Variants in KLF8 observed in about 807,000 individuals in gnomAD.
KLF8 encodes the protein Krueppel-like factor 8.
Under a neutral mutation model 18.2 loss-of-function variants are expected in KLF8, and 10 were observed. That is an observed-to-expected ratio of 0.55 (90% confidence interval 0.34 to 0.93). KLF8 has a LOEUF of 0.93. Ranked by LOEUF, KLF8 falls within the 40% of genes least tolerant of loss-of-function variation. The pLI is 0.02. For missense variants in KLF8, 264 were observed against 277.9 expected (o/e 0.95, Z 0.36); for synonymous variants, 109 against 97.3 (o/e 1.12, Z -0.71).
At chrX:56,101,067 C>T in the KLF8 span, among the ~76,000 whole-genome samples, 6 of 110,949 alleles carry the variant, frequency 5.4e-5, no homozygotes, top group East Asian at 1.7e-3. Flanking sequence ...ATTCTGTCAC[C>T]CATGTAGCGA....
the KLF8 span, among the ~76,000 whole-genome samples, chrX:56,175,240 A>C: frequency 1.8e-5 from 2 of 111,958 alleles, no homozygotes; most frequent in Non-Finnish European, 3.8e-5. Context: ...ATTTAGTGCT[A>C]TAAATTTCCC....
the KLF8 span, among the ~76,000 whole-genome samples, chrX:56,065,822 G>T: frequency 2.7e-5 from 3 of 112,001 alleles, no homozygotes; most frequent in African/African-American, 9.7e-5. Flanking sequence ...AGCAGTTATT[G>T]CTATGATTTC....
chrX:55,959,365 T>G, the KLF8 span, among the ~76,000 whole-genome samples: 193 of 112,046 alleles, frequency 1.7e-3, 3 homozygotes, highest in East Asian at 0.036. Flanking sequence ...ACCGAGTGTC[T>G]TCTTACCTCC....
At chrX:55,966,848 A>G in the KLF8 span, among the ~76,000 whole-genome samples, 1 of 112,314 alleles carries the variant, frequency 8.9e-6, no homozygotes, top group African/African-American at 3.2e-5. Flanking sequence ...ATTCAAAATA[A>G]CTGTGTTAAG....
chrX:56,033,337 C>T, the KLF8 span, among the ~76,000 whole-genome samples: 5 of 111,465 alleles, frequency 4.5e-5, no homozygotes, highest in African/African-American at 1.6e-4. Context: ...TCCACGGTGT[C>T]GCAAATGACA....
chrX:56,094,068 T>C, the KLF8 span, among the ~76,000 whole-genome samples: 4 of 109,172 alleles, frequency 3.7e-5, no homozygotes, highest in African/African-American at 1.3e-4. Flanking sequence ...ACAAGGACAA[T>C]GAGTAGAAAA....
the KLF8 span, among the ~76,000 whole-genome samples, chrX:56,012,114 T>G: frequency 1.1e-4 from 12 of 112,078 alleles, 1 homozygote; most frequent in Middle Eastern, 0.028. Flanking sequence ...GAGGCCAGCA[T>G]CATCCTGATA....
chrX:56,144,366 C>G, the KLF8 span, among the ~76,000 whole-genome samples: 5 of 109,365 alleles, frequency 4.6e-5, no homozygotes, highest in South Asian at 2.0e-3. Context: ...TGGGCATCAT[C>G]AAGAAAGTGA....
the KLF8 span, among the ~76,000 whole-genome samples, chrX:56,217,415 T>TATTTATTTATTC: frequency 5.5e-5 from 6 of 109,155 alleles, no homozygotes; most frequent in Admixed American, 9.9e-5. Context: ...TTTATTTATT[T>TATTTATTTATTC]ATTCATTTAT....
chrX:56,121,040 G>T, the KLF8 span, among the ~76,000 whole-genome samples: 17 of 109,821 alleles, frequency 1.5e-4, no homozygotes, highest in African/African-American at 5.3e-4. Context: ...CAAAAAATTA[G>T]CCGGACGTGG....
the KLF8 span, among the ~76,000 whole-genome samples, chrX:56,213,279 G>GTTTTC: frequency 8.3e-3 from 338 of 40,832 alleles, 3 homozygotes; most frequent in Middle Eastern, 0.017. Flanking sequence ...TTTTTCTTTT[G>GTTTTC]TTTTCTTTTC....
At chrX:56,076,812 G>C in the KLF8 span, among the ~76,000 whole-genome samples, 1 of 111,711 alleles carries the variant, frequency 9.0e-6, no homozygotes, top group Non-Finnish European at 1.9e-5. Flanking sequence ...GTTGTTTCCT[G>C]ATTTTTTAAT....
the KLF8 span, among the ~76,000 whole-genome samples, chrX:56,211,667 A>C: frequency 8.9e-6 from 1 of 112,158 alleles, no homozygotes; most frequent in African/African-American, 3.2e-5. Flanking sequence ...TTAAGGAGTC[A>C]GGGGCTAGAG....
intron 4 of KLF8, among the ~76,000 whole-genome samples, 155 bp downstream of exon 4, chrX:56,269,644 T>C (rs773477954): frequency 6.4e-4 from 72 of 112,242 alleles, no homozygotes; most frequent in Non-Finnish European, 1.1e-3. Flanking sequence ...CCAGTGAAAG[T>C]ATATGAGTTT....
At chrX:56,113,764 T>C in the KLF8 span, among the ~76,000 whole-genome samples, 3 of 110,584 alleles carry the variant, frequency 2.7e-5, no homozygotes, top group Non-Finnish European at 5.7e-5. Flanking sequence ...GAGTGTTCTG[T>C]AGATATATGT....
the KLF8 span, among the ~76,000 whole-genome samples, chrX:56,092,572 T>G: frequency 9.0e-6 from 1 of 111,492 alleles, no homozygotes; most frequent in Non-Finnish European, 1.9e-5. Flanking sequence ...AAATTCTTAT[T>G]ATCCTTGCTG....
At chrX:56,115,290 A>G in the KLF8 span, among the ~76,000 whole-genome samples, 1 of 110,887 alleles carries the variant, frequency 9.0e-6, no homozygotes, top group Middle Eastern at 4.6e-3. Flanking sequence ...TAAAAAATAT[A>G]TTAAGTAAAA....
the KLF8 span, among the ~76,000 whole-genome samples, chrX:56,035,140 C>G: frequency 2.7e-5 from 3 of 111,863 alleles, no homozygotes; most frequent in Non-Finnish European, 5.6e-5. Flanking sequence ...TTCCCAGCCT[C>G]TGGTATCCTC....
chrX:56,220,937 A>G, the KLF8 span, among the ~76,000 whole-genome samples: 1 of 112,689 alleles, frequency 8.9e-6, no homozygotes, highest in Non-Finnish European at 1.9e-5. Flanking sequence ...TACAATTCTC[A>G]TGTTTTTATT....
Sources: allele counts gnomAD v4.1 joint callset (sites outside exome capture counted in the v4.1 genomes callset), GRCh38; gene constraint gnomAD v4.1.1; transcripts MANE v1.5; gene names NCBI Gene and HGNC (gene_info 2026-07-23, HGNC 2026-07-21).